Variants in PTPRD observed in about 807,000 individuals in gnomAD.
PTPRD encodes receptor-type tyrosine-protein phosphatase delta.
Under a neutral mutation model 214.5 loss-of-function variants are expected in PTPRD, and 34 were observed. That is an observed-to-expected ratio of 0.16 (90% confidence interval 0.12 to 0.21). PTPRD has a LOEUF of 0.21. Ranked by LOEUF, PTPRD falls within the 10% of genes least tolerant of loss-of-function variation. The probability of loss-of-function intolerance (pLI) is 1.00; values close to 1 mark genes in which losing one functional copy is unlikely to be tolerated. For synonymous variants in PTPRD, 1,128 were observed against 845.7 expected, an observed-to-expected ratio of 1.33 and a Z score of -5.79; for missense variants, 2,545 against 2,398.7, an observed-to-expected ratio of 1.06 and a Z score of -1.27.
At chr9:8,633,516 A>G (rs2096322279) in intron 13 of PTPRD, 58 bp from the exon 14 acceptor site, 1 of 1,589,146 alleles carries the variant, frequency 6.3e-7, no homozygotes, top group African/African-American at 1.4e-5. Context: ...CCTCTCAGCT[A>G]AAGCTCTCAA....
intron 5 of PTPRD, among the ~76,000 whole-genome samples, chr9:9,829,531 C>G (rs1450107542): frequency 6.6e-6 from 1 of 151,650 alleles, no homozygotes; most frequent in Non-Finnish European, 1.5e-5. Flanking sequence ...ATCTTTGTTA[C>G]AGAAAGATTT....
intron 11 of PTPRD, among the ~76,000 whole-genome samples, chr9:8,844,544 T>A (rs988917831): frequency 6.6e-6 from 1 of 152,194 alleles, no homozygotes; most frequent in African/African-American, 2.4e-5. Flanking sequence ...AGATTATGCA[T>A]ATTTTAAAAA....
intron 10 of PTPRD, among the ~76,000 whole-genome samples, chr9:9,092,842 TC>T (rs533539639): frequency 4.2e-4 from 64 of 152,120 alleles, no homozygotes; most frequent in African/African-American, 1.3e-3. Flanking sequence ...ACCAATAATT[TC>T]ATCATGTGTA....
At chr9:8,517,460 G>C (rs1178458602) in intron 21 of PTPRD, among the ~76,000 whole-genome samples, 1 of 152,078 alleles carries the variant, frequency 6.6e-6, no homozygotes, top group African/African-American at 2.4e-5. Flanking sequence ...TTATTTTTTA[G>C]CTTTGTCTTG....
At chr9:9,924,924 G>T (rs1430709470) in intron 5 of PTPRD, among the ~76,000 whole-genome samples, 11 of 152,170 alleles carry the variant, frequency 7.2e-5, no homozygotes, top group African/African-American at 2.4e-4. Context: ...TAGAGTGCAT[G>T]AAATACTAAT....
intron 4 of PTPRD, among the ~76,000 whole-genome samples, chr9:10,011,594 A>C (rs1567076919): frequency 6.6e-6 from 1 of 151,948 alleles, no homozygotes; most frequent in Admixed American, 6.6e-5. Flanking sequence ...ACCCAGTGCA[A>C]GATTGGCTTA....
intron 5 of PTPRD, among the ~76,000 whole-genome samples, chr9:9,786,372 C>T (rs774593185): frequency 1.3e-5 from 2 of 152,078 alleles, no homozygotes; most frequent in African/African-American, 4.8e-5. Flanking sequence ...TTATTAGCAT[C>T]GAGAGAGTAT....
intron 11 of PTPRD, among the ~76,000 whole-genome samples, chr9:8,899,191 G>C (rs1456233523): frequency 9.9e-5 from 15 of 152,124 alleles, no homozygotes; most frequent in Non-Finnish European, 7.3e-5. Context: ...ATTTGCTACA[G>C]AGGCCTAATC....
intron 4 of PTPRD, among the ~76,000 whole-genome samples, chr9:10,023,379 T>C (rs2096860140): frequency 6.6e-6 from 1 of 152,168 alleles, no homozygotes; most frequent in African/African-American, 2.4e-5. Context: ...TGGGGTATTA[T>C]AAACTGAAAA....
chr9:10,252,150 A>G (rs1461213268), intron 3 of PTPRD, among the ~76,000 whole-genome samples: 2 of 151,192 alleles, frequency 1.3e-5, no homozygotes, highest in Non-Finnish European at 2.9e-5. Flanking sequence ...TTTTAAACTA[A>G]AAAAGAGAGA....
At chr9:8,793,768 G>A (rs2096313086) in intron 11 of PTPRD, among the ~76,000 whole-genome samples, 1 of 151,962 alleles carries the variant, frequency 6.6e-6, no homozygotes, top group Non-Finnish European at 1.5e-5. Context: ...TGCTTTATTT[G>A]GATATTAGAA....
At chr9:8,764,321 A>G (rs1271475228) in intron 11 of PTPRD, among the ~76,000 whole-genome samples, 4 of 152,230 alleles carry the variant, frequency 2.6e-5, no homozygotes, top group East Asian at 3.8e-4. Flanking sequence ...TTCAGATTTC[A>G]GCAATACAGA....
intron 8 of PTPRD, among the ~76,000 whole-genome samples, chr9:9,407,932 T>C (rs1179061063): frequency 2.6e-5 from 4 of 151,832 alleles, no homozygotes; most frequent in Non-Finnish European, 5.9e-5. Context: ...GTAATTTTTT[T>C]AAAACCCAAA....
chr9:9,703,539 A>T (rs1474938358), intron 7 of PTPRD, among the ~76,000 whole-genome samples: 1 of 152,168 alleles, frequency 6.6e-6, no homozygotes, highest in Non-Finnish European at 1.5e-5. Context: ...AATTTTGAAA[A>T]GATTGGCAGG....
At chr9:8,397,893 C>A (rs1203744891) in intron 36 of PTPRD, among the ~76,000 whole-genome samples, 2 of 152,014 alleles carry the variant, frequency 1.3e-5, no homozygotes, top group Non-Finnish European at 2.9e-5. Context: ...TGAATTGCTC[C>A]TGTTTTGCAA....
intron 10 of PTPRD, among the ~76,000 whole-genome samples, chr9:9,164,883 AAC>A (rs1491006460): frequency 4.0e-5 from 6 of 151,194 alleles, no homozygotes; most frequent in Non-Finnish European, 7.4e-5. Context: ...AACAAAACAA[AAC>A]AAACAAACCA....
intron 8 of PTPRD, among the ~76,000 whole-genome samples, chr9:9,540,082 A>T (rs1426015049): frequency 1.3e-5 from 2 of 151,818 alleles, no homozygotes; most frequent in East Asian, 3.9e-4. Context: ...TATACAAAGA[A>T]ATCCACTAAG....
At chr9:9,590,660 T>C (rs1319318497) in intron 7 of PTPRD, among the ~76,000 whole-genome samples, 1 of 151,896 alleles carries the variant, frequency 6.6e-6, no homozygotes, top group African/African-American at 2.4e-5. Context: ...TTTTTCATAA[T>C]AAAATGATAA....
intron 5 of PTPRD, among the ~76,000 whole-genome samples, chr9:9,810,704 A>C (rs754396973): frequency 3.3e-5 from 5 of 152,172 alleles, no homozygotes; most frequent in East Asian, 1.9e-4. Context: ...AAAGGATATC[A>C]ATGTTTTTAT....
Sources: gnomAD v4.1 joint callset for allele counts (sites outside exome capture counted in the v4.1 genomes callset) on GRCh38, gnomAD v4.1.1 for gene constraint, MANE v1.5 for transcripts, NCBI Gene and HGNC (gene_info 2026-07-23, HGNC 2026-07-21) for gene names.